The following KPNA4 variants were observed in gnomAD, a reference collection of about 807,000 sequenced individuals.
KPNA4 encodes the protein importin subunit alpha-3.
Under a neutral mutation model 71.3 loss-of-function variants are expected in KPNA4, and 13 were observed. That is an observed-to-expected ratio of 0.18 (90% CI 0.12 to 0.29). The LOEUF is 0.29. Ranked by LOEUF, KPNA4 falls within the 10% of genes least tolerant of loss-of-function variation. The probability of loss-of-function intolerance (pLI) is 1.00; values close to 1 mark genes in which losing one functional copy is unlikely to be tolerated. For synonymous variants in KPNA4, 189 were observed against 195.2 expected, an observed-to-expected ratio of 0.97 and a Z score of 0.26; for missense variants, 334 against 603.2, an observed-to-expected ratio of 0.55 and a Z score of 4.67.
chr3:160,546,758 C>T (rs1721918738), intron 1 of KPNA4, among the ~76,000 whole-genome samples: 1 of 152,104 alleles, frequency 6.6e-6, no homozygotes, highest in Non-Finnish European at 1.5e-5. Flanking sequence ...ACCATTATTC[C>T]CATCCCTGCA....
intron 1 of KPNA4, among the ~76,000 whole-genome samples, chr3:160,545,835 C>A (rs1427998650): frequency 6.7e-6 from 1 of 149,084 alleles, no homozygotes; most frequent in Non-Finnish European, 1.5e-5. Context: ...AAGACAGAAC[C>A]TGCAAAATTT....
intron 1 of KPNA4, among the ~76,000 whole-genome samples, chr3:160,549,821 C>A (rs555430884): frequency 2.6e-4 from 40 of 152,266 alleles, no homozygotes; most frequent in African/African-American, 8.9e-4. Flanking sequence ...ATAGGGCTTG[C>A]AATGGAATAT....
Position 160,509,858 on chromosome 3 carries a change from G to A in KPNA4, c.1151C>T (p.Thr384Ile). 6.2e-7 allele frequency: 1 copy of A among 1,611,904 alleles called. No homozygotes were observed. The highest frequency in any genetic ancestry group is 8.5e-7 in the Non-Finnish European group (1 of 1,178,410). Residue 384 changes from threonine (T) to isoleucine (I), a missense_variant, in exon 14 of 17, where the codon ACT becomes ATT. Thr to Ile is a moderately conservative substitution (Grantham distance 89). Transcript: ENST00000334256. ...IHLLDKGDFG[T>I]QKEAAWAISN... Reference sequence around the variant, plus strand: ...TATGGCCCAAGCAGCTTCTTTTTGAGTGCCAAAATCCCCCTGTAAAAAGGC... The same window carrying A: ...TATGGCCCAAGCAGCTTCTTTTTGAATGCCAAAATCCCCCTGTAAAAAGGC...
chr3:160,497,867 T>G lies in KPNA4; in HGVS notation c.*4237A>C, dbSNP rs919019474. On this transcript the variant is annotated 3_prime_UTR_variant, in exon 17 of 17. Coordinates refer to ENST00000334256, the MANE Select transcript of KPNA4 (RefSeq NM_002268.5). ...TTATAGTTCACTTTAATAGCTACAA[T>G]GGAAGATTCAATTTTGGAAACTCAA... 6.6e-6 allele frequency: 1 copy of G among 152,160 alleles called. No homozygotes were observed. The highest frequency in any genetic ancestry group is 1.5e-5 in the Non-Finnish European group (1 of 68,028). The allele number at this position is 152,160 out of a possible 1,614,324, so 9.4% of individuals were successfully genotyped here. A position where few individuals can be genotyped will look rare whatever the true frequency, so the allele number is the denominator to read the frequency against.
At chr3:160,562,407 AATT>A (rs1722260515) in intron 1 of KPNA4, among the ~76,000 whole-genome samples, 1 of 152,226 alleles carries the variant, frequency 6.6e-6, no homozygotes, top group Non-Finnish European at 1.5e-5. Context: ...ATCAAAAAGC[AATT>A]ATTTTCTCAG....
intron 8 of KPNA4, 49 bp from the exon 9 acceptor site, chr3:160,526,156 G>T: frequency 7.4e-7 from 1 of 1,343,612 alleles, no homozygotes; most frequent in Non-Finnish European, 9.9e-7. Context: ...CTGACAGTAA[G>T]CATTTTCAGA....
intron 1 of KPNA4, among the ~76,000 whole-genome samples, chr3:160,564,905 T>G (rs1357592136): frequency 6.8e-5 from 10 of 146,908 alleles, no homozygotes; most frequent in Non-Finnish European, 1.4e-4. Flanking sequence ...GCACGCCTCC[T>G]CCGCACGCGC....
chr3:160,533,496 C>T (rs1721613432), intron 5 of KPNA4, among the ~76,000 whole-genome samples: 1 of 149,888 alleles, frequency 6.7e-6, no homozygotes, highest in Admixed American at 6.6e-5. Context: ...CCAGCCTTCT[C>T]AAACAAGGTT....
chr3:160,561,688 A>G (rs1290485607), intron 1 of KPNA4, among the ~76,000 whole-genome samples: 1 of 152,036 alleles, frequency 6.6e-6, no homozygotes, highest in African/African-American at 2.4e-5. Context: ...TGGTGTGCCT[A>G]AACTGCCCTT....
intron 11 of KPNA4, among the ~76,000 whole-genome samples, chr3:160,519,929 G>T (rs1450218133): frequency 2.0e-5 from 3 of 151,962 alleles, no homozygotes; most frequent in Admixed American, 6.6e-5. Flanking sequence ...GCTACATGGG[G>T]TTCCATTACA....
chr3:160,559,308 GA>G (rs1722199234), intron 1 of KPNA4, among the ~76,000 whole-genome samples: 1 of 152,132 alleles, frequency 6.6e-6, no homozygotes, highest in African/African-American at 2.4e-5. Context: ...GCTTCCCAGA[GA>G]AAGTTAGAAT....
intron 1 of KPNA4, among the ~76,000 whole-genome samples, chr3:160,542,952 G>C (rs747329668): frequency 2.0e-5 from 3 of 152,132 alleles, no homozygotes; most frequent in Non-Finnish European, 4.4e-5. Flanking sequence ...GTAAGAAACT[G>C]TTAGGTGTTA....
chr3:160,537,095 CTATAA>C (rs1034520670), intron 1 of KPNA4, among the ~76,000 whole-genome samples: 8 of 151,384 alleles, frequency 5.3e-5, no homozygotes, highest in Admixed American at 1.3e-4. Flanking sequence ...ATTTTAAAAA[CTATAA>C]TATAAGGTTT....
intron 11 of KPNA4, among the ~76,000 whole-genome samples, chr3:160,521,039 T>A (rs1411191493): frequency 1.3e-5 from 2 of 152,126 alleles, no homozygotes; most frequent in Non-Finnish European, 2.9e-5. Flanking sequence ...AAAATAAATT[T>A]AAATAAGTGA....
At chr3:160,564,057 TA>T (rs1419334949) in intron 1 of KPNA4, among the ~76,000 whole-genome samples, 1 of 152,138 alleles carries the variant, frequency 6.6e-6, no homozygotes, top group Non-Finnish European at 1.5e-5. Flanking sequence ...GAGAACAACA[TA>T]AAAAATACTG....
intron 1 of KPNA4, among the ~76,000 whole-genome samples, chr3:160,542,318 A>C (rs982813052): frequency 1.3e-5 from 2 of 152,222 alleles, no homozygotes; most frequent in Non-Finnish European, 2.9e-5. Flanking sequence ...CCAAAAGCTA[A>C]AACAGCATAA....
intron 5 of KPNA4, among the ~76,000 whole-genome samples, chr3:160,532,808 C>T (rs1271733588): frequency 1.3e-5 from 2 of 152,200 alleles, no homozygotes; most frequent in African/African-American, 4.8e-5. Context: ...CATCTTATAA[C>T]TAATCTTATT....
intron 1 of KPNA4, among the ~76,000 whole-genome samples, chr3:160,553,247 T>C (rs1223174829): frequency 6.6e-6 from 1 of 152,174 alleles, no homozygotes; most frequent in Non-Finnish European, 1.5e-5. Context: ...ACACTTCTCA[T>C]GTGATACCCC....
chr3:160,533,680 G>A (rs962519385), intron 5 of KPNA4, among the ~76,000 whole-genome samples: 6 of 151,946 alleles, frequency 3.9e-5, no homozygotes, highest in African/African-American at 1.2e-4. Context: ...TAAGGAGCCC[G>A]CAATTTTACT....
Sources: gnomAD v4.1 joint callset for allele counts (sites outside exome capture counted in the v4.1 genomes callset) on GRCh38, gnomAD v4.1.1 for gene constraint, MANE v1.5 for transcripts, NCBI Gene and HGNC (gene_info 2026-07-23, HGNC 2026-07-21) for gene names.